Variants in CNTN4 observed in about 807,000 individuals in gnomAD.
CNTN4 encodes contactin-4.
A neutral mutation model predicts 122.5 loss-of-function variants in CNTN4; 77 were observed. That is an observed-to-expected ratio of 0.63 (90% CI 0.52 to 0.76). The LOEUF is 0.76. Ranked by LOEUF, CNTN4 falls within the 30% of genes least tolerant of loss-of-function variation. CNTN4 has a pLI of 0.00. For synonymous variants in CNTN4, 512 were observed against 447.0 expected, an observed-to-expected ratio of 1.15 and a Z score of -1.83; for missense variants, 1,256 against 1,259.1, an observed-to-expected ratio of 1.00 and a Z score of 0.04.
chr3:2,769,965 C>G (rs1315123165), intron 6 of CNTN4, among the ~76,000 whole-genome samples: 1 of 152,018 alleles, frequency 6.6e-6, no homozygotes, highest in Non-Finnish European at 1.5e-5. Flanking sequence ...TAGTTATGTC[C>G]TGTTGCTGAA....
chr3:2,668,239 C>A (rs1395266077), intron 4 of CNTN4, among the ~76,000 whole-genome samples: 2 of 152,056 alleles, frequency 1.3e-5, no homozygotes, highest in African/African-American at 4.8e-5. Flanking sequence ...GAATGTTCTT[C>A]CATTTGTTTG....
At chr3:2,189,271 A>G (rs958957321) in intron 2 of CNTN4, among the ~76,000 whole-genome samples, 5 of 152,104 alleles carry the variant, frequency 3.3e-5, no homozygotes, top group African/African-American at 9.7e-5. Flanking sequence ...TCTTGATGTA[A>G]AACACAATGT....
chr3:2,472,806 T>C (rs969050703), intron 3 of CNTN4, among the ~76,000 whole-genome samples: 5 of 152,240 alleles, frequency 3.3e-5, no homozygotes, highest in African/African-American at 1.2e-4. Flanking sequence ...GAGAGAACCA[T>C]AGAATTTTAT....
intron 2 of CNTN4, among the ~76,000 whole-genome samples, chr3:2,101,551 A>AT (rs149931572): frequency 0.13 from 20,175 of 149,970 alleles, 1,624 homozygotes; most frequent in Admixed American, 0.22. Flanking sequence ...CTACACACTG[A>AT]TTTTTTTTGT....
chr3:2,132,919 C>T (rs1218442750), intron 2 of CNTN4, among the ~76,000 whole-genome samples: 2 of 152,190 alleles, frequency 1.3e-5, no homozygotes, highest in Non-Finnish European at 2.9e-5. Flanking sequence ...GTTGGTCAAA[C>T]AGCTTCCCAG....
chr3:2,860,066 G>A (rs1010747279), intron 7 of CNTN4, among the ~76,000 whole-genome samples: 1 of 152,174 alleles, frequency 6.6e-6, no homozygotes, highest in Non-Finnish European at 1.5e-5. Flanking sequence ...AAAATATCTT[G>A]AACAAAGCGA....
chr3:2,757,547 A>T (rs2090394342), intron 6 of CNTN4, among the ~76,000 whole-genome samples: 1 of 152,140 alleles, frequency 6.6e-6, no homozygotes, highest in Non-Finnish European at 1.5e-5. Flanking sequence ...CGTTGATGTT[A>T]TGACATTTCT....
intron 6 of CNTN4, among the ~76,000 whole-genome samples, chr3:2,752,164 A>G (rs1477429525): frequency 6.6e-6 from 1 of 152,186 alleles, no homozygotes; most frequent in South Asian, 2.1e-4. Context: ...ATCACTTACA[A>G]AAACTTAATT....
chr3:2,121,368 C>A (rs750233305), intron 2 of CNTN4, among the ~76,000 whole-genome samples: 8 of 151,860 alleles, frequency 5.3e-5, no homozygotes, highest in Non-Finnish European at 8.8e-5. Context: ...TGTGGTGGCA[C>A]GTGCCTGTAA....
At chr3:2,679,656 C>T (rs918044927) in intron 4 of CNTN4, among the ~76,000 whole-genome samples, 1 of 152,108 alleles carries the variant, frequency 6.6e-6, no homozygotes, top group Non-Finnish European at 1.5e-5. Flanking sequence ...GGATGAGAAG[C>T]GAGATCCAGT....
intron 7 of CNTN4, among the ~76,000 whole-genome samples, chr3:2,861,196 A>G (rs4128731): frequency 0.74 from 112,975 of 152,058 alleles, 42,209 homozygotes; most frequent in African/African-American, 0.83. Context: ...TGCTGATTAA[A>G]TCCCGAAGCC....
intron 13 of CNTN4, among the ~76,000 whole-genome samples, chr3:2,958,846 G>A (rs1329690212): frequency 1.3e-5 from 2 of 152,148 alleles, no homozygotes; most frequent in African/African-American, 4.8e-5. Flanking sequence ...CTCAACCTAG[G>A]AAGTCTAGAT....
At chr3:2,182,291 C>A (rs1427059826) in intron 2 of CNTN4, among the ~76,000 whole-genome samples, 3 of 151,806 alleles carry the variant, frequency 2.0e-5, no homozygotes, top group Non-Finnish European at 2.9e-5. Context: ...ACACACACCC[C>A]ACACACATAT....
chr3:2,488,113 C>G (rs77171811), intron 3 of CNTN4, among the ~76,000 whole-genome samples: 1 of 152,140 alleles, frequency 6.6e-6, no homozygotes, highest in African/African-American at 2.4e-5. Flanking sequence ...TGGGCATTAG[C>G]CAGAATGCAC....
chr3:2,427,114 C>G (rs934368681), intron 3 of CNTN4, among the ~76,000 whole-genome samples: 8 of 152,256 alleles, frequency 5.3e-5, no homozygotes, highest in Middle Eastern at 6.8e-3. Flanking sequence ...CTTCTGCTAG[C>G]TTTTGAATGT....
chr3:2,581,468 G>A (rs1338117106), intron 4 of CNTN4, among the ~76,000 whole-genome samples: 1 of 152,144 alleles, frequency 6.6e-6, no homozygotes, highest in Non-Finnish European at 1.5e-5. Flanking sequence ...ACATGGTCAA[G>A]GTTATATGGC....
At chr3:2,182,898 C>G (rs903560918) in intron 2 of CNTN4, among the ~76,000 whole-genome samples, 14 of 151,412 alleles carry the variant, frequency 9.2e-5, no homozygotes, top group African/African-American at 3.4e-4. Flanking sequence ...CAGGTGCTCT[C>G]TTCTTTGTTT....
At chr3:2,959,801 A>T (rs2094835380) in intron 13 of CNTN4, among the ~76,000 whole-genome samples, 1 of 152,140 alleles carries the variant, frequency 6.6e-6, no homozygotes, top group Non-Finnish European at 1.5e-5. Context: ...CTCCCTAGGT[A>T]TGAGAGTTTG....
chr3:2,295,502 T>C (rs2042277880), intron 2 of CNTN4, among the ~76,000 whole-genome samples: 1 of 151,496 alleles, frequency 6.6e-6, no homozygotes, highest in Non-Finnish European at 1.5e-5. Flanking sequence ...GTTCATATCC[T>C]TCGCCCACTT....
Sources: allele counts gnomAD v4.1 joint callset (sites outside exome capture counted in the v4.1 genomes callset), GRCh38; gene constraint gnomAD v4.1.1; transcripts MANE v1.5; gene names NCBI Gene and HGNC (gene_info 2026-07-23, HGNC 2026-07-21).